The following ARHGAP35 variants were observed in gnomAD, a reference collection of about 807,000 sequenced individuals.
The protein encoded by ARHGAP35 is rho GTPase-activating protein 35.
Under a neutral mutation model 111.1 loss-of-function variants are expected in ARHGAP35, and 15 were observed. That is an observed-to-expected ratio of 0.13 (90% CI 0.09 to 0.21). The LOEUF is 0.21. ARHGAP35 is among the 10% of genes least tolerant of loss of function. The pLI, the probability that ARHGAP35 is intolerant of heterozygous loss-of-function variation, is 1.00. For synonymous variants in ARHGAP35, 643 were observed against 710.3 expected (o/e 0.91, Z 1.51); for missense variants, 1,262 against 1,873.0 (o/e 0.67, Z 6.02).
chr19:46,988,145 G>A lies in ARHGAP35; in HGVS notation c.3904+79G>A, dbSNP rs2056661023. On this transcript the variant is annotated intron_variant, in intron 4 of 6. Coordinates refer to ENST00000672722, the MANE Select transcript of ARHGAP35 (RefSeq NM_004491.5). The surrounding 1 kb of genome is among the most constrained non-coding windows in gnomAD (Gnocchi z 5.4). Reference sequence around the variant, plus strand: ...AGCTGCCTCGGTGAACTGTCTGTGGGGCTTCGGAGCACTCCTGCCAGCACA... The same window carrying A: ...AGCTGCCTCGGTGAACTGTCTGTGGAGCTTCGGAGCACTCCTGCCAGCACA... 2.9e-6 allele frequency: 4 copies of A among 1,388,528 alleles called. No homozygotes were observed. The highest frequency in any genetic ancestry group is 2.4e-5 in the East Asian group (1 of 41,484). The allele number at this position is 1,388,528 out of a possible 1,614,324, so 86.0% of individuals were successfully genotyped here.
intron 3 of ARHGAP35, among the ~76,000 whole-genome samples, chr19:46,940,299 C>A (rs560333238): frequency 2.7e-5 from 4 of 149,282 alleles, no homozygotes; most frequent in African/African-American, 9.9e-5. Context: ...GCGGAGGTTG[C>A]GGTGAGCCAA....
At chr19:46,943,390 A>G (rs2056360530) in intron 3 of ARHGAP35, among the ~76,000 whole-genome samples, 1 of 152,152 alleles carries the variant, frequency 6.6e-6, no homozygotes, top group Admixed American at 6.5e-5. Context: ...GACAGGGCAC[A>G]CGTATGAATT....
intron 1 of ARHGAP35, among the ~76,000 whole-genome samples, chr19:46,877,988 A>G (rs1292599696): frequency 6.6e-6 from 1 of 152,038 alleles, no homozygotes; most frequent in African/African-American, 2.4e-5. Context: ...AATTACAGGC[A>G]TTAGCCACCG....
chr19:46,923,730 C>T (rs1324608037), intron 2 of ARHGAP35, among the ~76,000 whole-genome samples: 10 of 151,552 alleles, frequency 6.6e-5, no homozygotes. Context: ...ACCAGCCTGG[C>T]CAACATGGTG....
chr19:46,965,254 A>G (rs1158840447), intron 3 of ARHGAP35, among the ~76,000 whole-genome samples: 1 of 152,234 alleles, frequency 6.6e-6, no homozygotes, highest in Non-Finnish European at 1.5e-5. Context: ...CAGAGGTTGC[A>G]GTGAGCCGAG....
intron 3 of ARHGAP35, among the ~76,000 whole-genome samples, chr19:46,965,085 G>A (rs902815479): frequency 2.6e-5 from 4 of 152,182 alleles, no homozygotes; most frequent in Non-Finnish European, 4.4e-5. Context: ...GGCCGAGGCG[G>A]GCGGATCACC....
chr19:46,913,188 TA>T (rs1473395905), intron 1 of ARHGAP35, among the ~76,000 whole-genome samples: 3 of 148,036 alleles, frequency 2.0e-5, no homozygotes, highest in African/African-American at 5.0e-5. Context: ...ATTTTTGTCT[TA>T]GGGGGCATTC....
Position 47,001,768 on chromosome 19 carries a change from G to A in ARHGAP35, c.*1080G>A, listed in dbSNP as rs2056749857. 3 of 239,792 alleles carry A rather than the reference G, an allele frequency of 1.3e-5. No individual in the cohort carries two copies. Among genetic ancestry groups the A allele is most frequent in the Admixed American group, 5.2e-5 (1 of 19,412 alleles). 14.9% of individuals were successfully genotyped at this position (239,792 alleles called of 1,614,324 possible). On this transcript the variant is annotated 3_prime_UTR_variant, in exon 7 of 7. Coordinates refer to ENST00000672722, the MANE Select transcript of ARHGAP35 (RefSeq NM_004491.5). This position sits in a 1 kb window ranked among gnomAD's most constrained non-coding sequence, Gnocchi z 5.4. ...TGTGCACATGTGAGTGTGAGTGTGT[G>A]TGGGCGCTTGGTGGGGGGTTGGGGA...
rs529593395 is a variant in ARHGAP35, at chr19:46,882,028, C to T, written c.-189+20819C>T. 8.5e-5 allele frequency among the ~76,000 whole-genome samples: 13 copies of T among 152,248 alleles called. No individual in the cohort carries two copies. The East Asian group carries it at 1.4e-3, about 16-fold the overall frequency. ...CTGTAGCTTCCTCGCCTCTCTCAGC[C>T]CTGTTGAATTGAAGAGAGTTAGGGT... On this transcript the variant is annotated intron_variant, in intron 1 of 6. Transcript: ENST00000672722.
rs111452203 is a variant in ARHGAP35, at chr19:46,905,566, C to G, written c.-188-12922C>G. ...AATTTTTGTATTCCACCCCCCCCCC[C>G]CAAGACAGAGTCTTACTCTGTCACC... On this transcript the variant is annotated intron_variant, in intron 1 of 6. Transcript: ENST00000672722. Among the ~76,000 whole-genome samples the G allele has an allele frequency of 8.8e-3, 1,296 of 148,092 alleles. 27 individuals are homozygous for G. The highest frequency in any genetic ancestry group is 0.028 in the African/African-American group (1,130 of 39,972).
intron 1 of ARHGAP35, among the ~76,000 whole-genome samples, chr19:46,911,459 C>A (rs1189295504): frequency 6.6e-6 from 1 of 152,180 alleles, no homozygotes; most frequent in African/African-American, 2.4e-5. Flanking sequence ...GGGTGATGGA[C>A]AGTTCAGTCC....
chr19:46,937,117 G>A, intron 2 of ARHGAP35, 147 bp from the exon 3 acceptor site: 1 of 1,013,804 alleles, frequency 9.9e-7, no homozygotes, highest in Non-Finnish European at 1.4e-6. Context: ...TGGGAATACA[G>A]GCATGAGTCA....
At chr19:46,975,988 A>G (rs2056577594) in intron 3 of ARHGAP35, among the ~76,000 whole-genome samples, 1 of 152,228 alleles carries the variant, frequency 6.6e-6, no homozygotes, top group Admixed American at 6.5e-5. Context: ...TTTAATAGGT[A>G]CGGTTATAGC....
chr19:46,929,939 T>G (rs140697015), intron 2 of ARHGAP35, among the ~76,000 whole-genome samples: 1 of 150,814 alleles, frequency 6.6e-6, no homozygotes, highest in Admixed American at 6.6e-5. Flanking sequence ...ATTAAAAAAA[T>G]TTTTTAAAAG....
chr19:46,902,096 A>AT (rs1465274561), intron 1 of ARHGAP35, among the ~76,000 whole-genome samples: 1 of 151,998 alleles, frequency 6.6e-6, no homozygotes, highest in African/African-American at 2.4e-5. Flanking sequence ...TTGTACTAGG[A>AT]TTTTTTGCTG....
At chr19:46,963,841 A>G (rs1267263601) in intron 3 of ARHGAP35, among the ~76,000 whole-genome samples, 1 of 152,102 alleles carries the variant, frequency 6.6e-6, no homozygotes, top group East Asian at 1.9e-4. Flanking sequence ...GTATCATCAG[A>G]GATGAGATTA....
intron 1 of ARHGAP35, among the ~76,000 whole-genome samples, chr19:46,903,293 C>T (rs1055293782): frequency 1.3e-5 from 2 of 152,094 alleles, no homozygotes; most frequent in African/African-American, 4.8e-5. Context: ...ATAGTAAATG[C>T]CGTGGGAGTC....
At chr19:46,943,823 A>C (rs140524414) in intron 3 of ARHGAP35, among the ~76,000 whole-genome samples, 1 of 152,296 alleles carries the variant, frequency 6.6e-6, no homozygotes, top group East Asian at 1.9e-4. Flanking sequence ...TAGGAAAGAA[A>C]TTTATGCCGC....
chr19:46,899,372 A>T (rs2056072894), intron 1 of ARHGAP35, among the ~76,000 whole-genome samples: 1 of 152,088 alleles, frequency 6.6e-6, no homozygotes, highest in Non-Finnish European at 1.5e-5. Flanking sequence ...TTCAAATTGG[A>T]TTGAGATTGT....
Sources: allele counts gnomAD v4.1 joint callset (sites outside exome capture counted in the v4.1 genomes callset), GRCh38; gene constraint gnomAD v4.1.1; non-coding constraint Gnocchi (gnomAD v3.1); transcripts MANE v1.5; gene names NCBI Gene and HGNC (gene_info 2026-07-23, HGNC 2026-07-21).